Variants in ADAMTSL1 observed in about 807,000 individuals in gnomAD.
ADAMTSL1 encodes ADAMTS-like protein 1.
Under a neutral mutation model 201.8 loss-of-function variants are expected in ADAMTSL1, and 126 were observed. The observed-to-expected ratio is 0.62, with a 90% CI of 0.54 to 0.72. The LOEUF is 0.72. ADAMTSL1 is among the 30% of genes least tolerant of loss of function. The pLI, the probability that ADAMTSL1 is intolerant of heterozygous loss-of-function variation, is 0.00. For missense variants in ADAMTSL1, 2,679 were observed against 2,277.8 expected (o/e 1.18, Z -3.59); for synonymous variants, 1,121 against 903.4 (o/e 1.24, Z -4.32).
intron 2 of ADAMTSL1, among the ~76,000 whole-genome samples, chr9:18,353,874 C>T (rs951793012): frequency 6.6e-6 from 1 of 151,986 alleles, no homozygotes; most frequent in African/African-American, 2.4e-5. Context: ...TACATACATA[C>T]TGCAGAAAAC....
At chr9:18,904,078 C>G (rs2131615381) in intron 26 of ADAMTSL1, among the ~76,000 whole-genome samples, 1 of 152,220 alleles carries the variant, frequency 6.6e-6, no homozygotes, top group South Asian at 2.1e-4. Context: ...CAAGCTTACT[C>G]TTGCCTCGGC....
intron 23 of ADAMTSL1, among the ~76,000 whole-genome samples, chr9:18,863,735 G>C (rs867942969): frequency 1.4e-4 from 22 of 152,244 alleles, no homozygotes; most frequent in Middle Eastern, 6.8e-3. Context: ...ACCAGAAATG[G>C]AAGGAGCCAG....
intron 2 of ADAMTSL1, among the ~76,000 whole-genome samples, chr9:18,349,282 A>C (rs76255599): frequency 1.8e-3 from 275 of 152,302 alleles, no homozygotes; most frequent in African/African-American, 6.2e-3. Flanking sequence ...GTTGCAAAGA[A>C]CAGTAAATTC....
chr9:18,179,354 C>T (rs1335191427), intron 2 of ADAMTSL1, among the ~76,000 whole-genome samples: 1 of 152,146 alleles, frequency 6.6e-6, no homozygotes, highest in Non-Finnish European at 1.5e-5. Flanking sequence ...CGAGCGAAGC[C>T]TCCAAGAAAT....
intron 23 of ADAMTSL1, among the ~76,000 whole-genome samples, chr9:18,843,592 A>G (rs1825877384): frequency 6.6e-6 from 1 of 150,528 alleles, no homozygotes; most frequent in Admixed American, 6.6e-5. Flanking sequence ...GCCTTGCTGG[A>G]TTGGGGAAGT....
At chr9:18,772,825 G>A (rs1820770587) in intron 17 of ADAMTSL1, among the ~76,000 whole-genome samples, 1 of 152,132 alleles carries the variant, frequency 6.6e-6, no homozygotes, top group Admixed American at 6.5e-5. Context: ...AGGCTCTCCT[G>A]GTCTTCCTCA....
At chr9:18,716,155 A>T (rs1194701006) in intron 14 of ADAMTSL1, among the ~76,000 whole-genome samples, 2 of 151,860 alleles carry the variant, frequency 1.3e-5, no homozygotes, top group East Asian at 3.9e-4. Flanking sequence ...CCTAGGCATT[A>T]CCATTCAGGA....
At chr9:17,941,680 A>G (rs1190652804) in intron 1 of ADAMTSL1, among the ~76,000 whole-genome samples, 1 of 152,128 alleles carries the variant, frequency 6.6e-6, no homozygotes, top group African/African-American at 2.4e-5. Context: ...AGTCATATGT[A>G]TGTGTAAGTG....
chr9:18,748,924 G>C, intron 15 of ADAMTSL1, among the ~76,000 whole-genome samples: 1 of 152,158 alleles, frequency 6.6e-6, no homozygotes, highest in Non-Finnish European at 1.5e-5. Flanking sequence ...TATAAGGAGA[G>C]TCCTTCCTTG....
intron 2 of ADAMTSL1, among the ~76,000 whole-genome samples, chr9:18,216,400 C>G (rs1055614242): frequency 1.3e-5 from 2 of 152,182 alleles, no homozygotes; most frequent in African/African-American, 4.8e-5. Context: ...GATCAGGCAG[C>G]TTTCACCACA....
intron 20 of ADAMTSL1, among the ~76,000 whole-genome samples, chr9:18,803,559 C>G (rs1822928988): frequency 6.6e-6 from 1 of 152,174 alleles, no homozygotes; most frequent in Non-Finnish European, 1.5e-5. Context: ...TTCCGCCCAC[C>G]TGTCTGAAGG....
rs1214918273 is a variant in ADAMTSL1, at chr9:18,018,142, C to T, written c.87+111220C>T. 2.0e-5 allele frequency among the ~76,000 whole-genome samples: 3 copies of T among 152,004 alleles called. No homozygotes were observed. In the East Asian group the frequency reaches 5.8e-4, roughly 29 times the overall value. On this transcript the variant is annotated intron_variant, in intron 1 of 29. Coordinates refer to the ADAMTSL1 transcript ENST00000680146. ...AGAGATGATATGTGCACTCAAAAGCCTAAAGTATTTACTAACTAGCTATTT... is the reference window on the plus strand; with the variant it reads ...AGAGATGATATGTGCACTCAAAAGCTTAAAGTATTTACTAACTAGCTATTT...
intron 1 of ADAMTSL1, among the ~76,000 whole-genome samples, chr9:18,136,135 G>A (rs777213182): frequency 5.9e-5 from 9 of 152,278 alleles, no homozygotes; most frequent in African/African-American, 1.7e-4. Flanking sequence ...ACAAGGCTCC[G>A]TAAGTGAAGT....
intron 2 of ADAMTSL1, among the ~76,000 whole-genome samples, chr9:18,242,011 T>C (rs916987335): frequency 1.1e-4 from 16 of 152,092 alleles, no homozygotes; most frequent in Non-Finnish European, 1.9e-4. Flanking sequence ...ACACATCTTA[T>C]AAGGCCACCA....
At chr9:18,858,805 C>T (rs564405381) in intron 23 of ADAMTSL1, among the ~76,000 whole-genome samples, 5 of 152,322 alleles carry the variant, frequency 3.3e-5, no homozygotes, top group East Asian at 1.9e-4. Context: ...CTTCCACTCC[C>T]GCTTTCTGGT....
At chr9:18,726,417 G>T (rs1817897088) in intron 15 of ADAMTSL1, among the ~76,000 whole-genome samples, 1 of 151,886 alleles carries the variant, frequency 6.6e-6, no homozygotes, top group South Asian at 2.1e-4. Context: ...AGGCTAGAGT[G>T]GGAGGATCAC....
At chr9:18,532,791 A>G in intron 2 of ADAMTSL1, among the ~76,000 whole-genome samples, 1 of 151,686 alleles carries the variant, frequency 6.6e-6, no homozygotes, top group Middle Eastern at 3.4e-3. Context: ...ATAATTTTTT[A>G]AGAATTATGA....
chr9:18,109,398 G>A (rs187320687), intron 1 of ADAMTSL1, among the ~76,000 whole-genome samples: 32 of 152,216 alleles, frequency 2.1e-4, no homozygotes, highest in Middle Eastern at 3.4e-3. Context: ...GCTGACTGCA[G>A]TACTTCTGTG....
At chr9:18,412,399 C>T (rs1818481945) in intron 2 of ADAMTSL1, among the ~76,000 whole-genome samples, 1 of 152,170 alleles carries the variant, frequency 6.6e-6, no homozygotes, top group Non-Finnish European at 1.5e-5. Flanking sequence ...TTATTACCCA[C>T]ATGTATTATT....
Sources: gnomAD v4.1 joint callset for allele counts (sites outside exome capture counted in the v4.1 genomes callset) on GRCh38, gnomAD v4.1.1 for gene constraint, MANE v1.5 for transcripts, NCBI Gene and HGNC (gene_info 2026-07-23, HGNC 2026-07-21) for gene names.